The following CSMD1 variants were observed in gnomAD, a reference collection of about 807,000 sequenced individuals.
CSMD1 encodes the protein CUB and Sushi multiple domains 1.
CSMD1 carries 213 observed loss-of-function variants against 417.5 expected under a neutral mutation model. That is an observed-to-expected ratio of 0.51 (90% CI 0.46 to 0.57). CSMD1 has a LOEUF of 0.57. Ranked by LOEUF, CSMD1 falls within the 20% of genes least tolerant of loss-of-function variation. The pLI is 0.00. For synonymous variants in CSMD1, 2,862 were observed against 1,736.8 expected (o/e 1.65, Z -16.11); for missense variants, 6,923 against 4,529.7 (o/e 1.53, Z -15.17).
chr8:4,275,952 G>C (rs763968236), intron 3 of CSMD1, among the ~76,000 whole-genome samples: 2 of 152,134 alleles, frequency 1.3e-5, no homozygotes, highest in African/African-American at 2.4e-5. Flanking sequence ...ACCATGAATA[G>C]TTAAAAAGTC....
intron 21 of CSMD1, among the ~76,000 whole-genome samples, chr8:3,357,825 A>C (rs1808892599): frequency 6.6e-6 from 1 of 152,206 alleles, no homozygotes; most frequent in Non-Finnish European, 1.5e-5. Context: ...TAAATATTAT[A>C]ACCACAAACA....
intron 26 of CSMD1, among the ~76,000 whole-genome samples, chr8:3,244,766 G>A (rs946026180): frequency 6.6e-6 from 1 of 152,188 alleles, no homozygotes; most frequent in Non-Finnish European, 1.5e-5. Flanking sequence ...AAAGTAATAA[G>A]CGGAAATCCA....
At chr8:4,904,204 C>T (rs1805085448) in intron 1 of CSMD1, among the ~76,000 whole-genome samples, 1 of 152,078 alleles carries the variant, frequency 6.6e-6, no homozygotes, top group African/African-American at 2.4e-5. Flanking sequence ...ACATGATGAC[C>T]AACCATCACC....
chr8:4,343,530 A>G (rs1254042506), intron 3 of CSMD1, among the ~76,000 whole-genome samples: 1 of 152,124 alleles, frequency 6.6e-6, no homozygotes, highest in Non-Finnish European at 1.5e-5. Flanking sequence ...CAAATTGTAC[A>G]AGTTATATAC....
Position 3,818,623 on chromosome 8 carries a change from G to A in CSMD1, c.819-64581C>T, listed in dbSNP as rs150141669. On this transcript the variant is annotated intron_variant, in intron 5 of 69. Coordinates refer to ENST00000635120, the MANE Select transcript of CSMD1 (RefSeq NM_033225.6). The stretch of plus-strand genomic sequence containing the variant: ...AGAAAAGGGAGAAACAGGGTCCCAT[G>A]GGTCCCCACAGCAAGGGATGCCCGG... Among the ~76,000 whole-genome samples, 446 of 152,210 alleles carry A rather than the reference G, an allele frequency of 2.9e-3. 1 individual carries two copies. The highest frequency in any genetic ancestry group is 5.5e-3 in the Non-Finnish European group (374 of 68,012).
chr8:4,864,210 T>G (rs548676172), intron 1 of CSMD1, among the ~76,000 whole-genome samples: 1 of 152,066 alleles, frequency 6.6e-6, no homozygotes, highest in African/African-American at 2.4e-5. Flanking sequence ...AGACTGAATT[T>G]CAAGTTGCTA....
At chr8:4,921,363 C>G (rs1013787218) in intron 1 of CSMD1, among the ~76,000 whole-genome samples, 1 of 152,216 alleles carries the variant, frequency 6.6e-6, no homozygotes, top group African/African-American at 2.4e-5. Flanking sequence ...TCTTCCTAAG[C>G]TATCTCAAAA....
At chr8:3,875,966 A>G (rs928586164) in intron 5 of CSMD1, among the ~76,000 whole-genome samples, 3 of 151,230 alleles carry the variant, frequency 2.0e-5, no homozygotes, top group African/African-American at 7.4e-5. Context: ...GAGTAACTGT[A>G]AAATTGCGAA....
intron 2 of CSMD1, among the ~76,000 whole-genome samples, chr8:4,566,267 C>A (rs1055310597): frequency 6.6e-6 from 1 of 152,010 alleles, no homozygotes; most frequent in Non-Finnish European, 1.5e-5. Flanking sequence ...GTACCTGGCA[C>A]CATCTAGTAA....
chr8:3,943,708 G>A (rs970278669), intron 5 of CSMD1, among the ~76,000 whole-genome samples: 2 of 151,998 alleles, frequency 1.3e-5, no homozygotes, highest in African/African-American at 4.8e-5. Flanking sequence ...TGCCAATTCT[G>A]GACATTTCTG....
chr8:3,887,925 G>C (rs1806674363), intron 5 of CSMD1, among the ~76,000 whole-genome samples: 1 of 152,100 alleles, frequency 6.6e-6, no homozygotes, highest in South Asian at 2.1e-4. Context: ...TTACAATCAG[G>C]AAAAGAATAC....
intron 6 of CSMD1, among the ~76,000 whole-genome samples, chr8:3,733,389 C>G (rs1391751193): frequency 2.0e-5 from 3 of 146,970 alleles, no homozygotes; most frequent in Non-Finnish European, 3.0e-5. Flanking sequence ...TATATATTAT[C>G]TGGATTAGAT....
chr8:3,470,114 C>A (rs573877631), intron 11 of CSMD1, among the ~76,000 whole-genome samples: 4 of 152,292 alleles, frequency 2.6e-5, no homozygotes, highest in East Asian at 3.9e-4. Context: ...CCTTCTTGTA[C>A]CTTCTCCCAG....
intron 2 of CSMD1, among the ~76,000 whole-genome samples, chr8:4,589,597 C>A (rs754788130): frequency 3.3e-5 from 5 of 152,144 alleles, no homozygotes; most frequent in Non-Finnish European, 7.3e-5. Flanking sequence ...TTATTAATTG[C>A]TAACTCATTA....
At chr8:3,876,468 T>C (rs773799818) in intron 5 of CSMD1, among the ~76,000 whole-genome samples, 1 of 152,176 alleles carries the variant, frequency 6.6e-6, no homozygotes, top group Non-Finnish European at 1.5e-5. Context: ...TGTTGGAGAG[T>C]CCTAACAGAA....
intron 5 of CSMD1, among the ~76,000 whole-genome samples, chr8:3,798,610 C>T (rs1462011241): frequency 1.3e-5 from 2 of 152,036 alleles, no homozygotes; most frequent in East Asian, 1.9e-4. Context: ...ATTAACTTTG[C>T]TTCCATGAAG....
At chr8:4,162,763 C>A (rs34663862) in intron 3 of CSMD1, among the ~76,000 whole-genome samples, 2 of 151,840 alleles carry the variant, frequency 1.3e-5, no homozygotes, top group African/African-American at 4.8e-5. Flanking sequence ...ATCATCCAAA[C>A]CCCCAGTTTA....
At chr8:2,987,364 T>G (rs1249395478) in intron 54 of CSMD1, among the ~76,000 whole-genome samples, 1 of 149,368 alleles carries the variant, frequency 6.7e-6, no homozygotes, top group African/African-American at 2.4e-5. Context: ...ATCATATATA[T>G]AAATAAGAAA....
intron 42 of CSMD1, among the ~76,000 whole-genome samples, chr8:3,113,588 G>A (rs973537818): frequency 3.3e-5 from 5 of 152,326 alleles, no homozygotes; most frequent in South Asian, 2.1e-4. Context: ...GTACCCTGGC[G>A]CCACTGGCTT....
Sources: allele counts gnomAD v4.1 joint callset (sites outside exome capture counted in the v4.1 genomes callset), GRCh38; gene constraint gnomAD v4.1.1; transcripts MANE v1.5; gene names NCBI Gene and HGNC (gene_info 2026-07-23, HGNC 2026-07-21).